The following AGMO variants were observed in gnomAD, a reference collection of about 807,000 sequenced individuals.
AGMO encodes the protein alkylglycerol monooxygenase, also known as glyceryl-ether monooxygenase.
Under a neutral mutation model 60.2 loss-of-function variants are expected in AGMO, and 75 were observed. The observed-to-expected ratio is 1.25, with a 90% CI of 1.03 to 1.51. AGMO has a LOEUF of 1.51. Among genes scored for constraint, AGMO ranks in the 40% most tolerant of loss-of-function variants. The pLI, the probability that AGMO is intolerant of heterozygous loss-of-function variation, is 0.00. For missense variants in AGMO, 763 were observed against 525.5 expected (o/e 1.45, Z -4.42); for synonymous variants, 261 against 177.1 (o/e 1.47, Z -3.76).
At chr7:15,312,534 T>C (rs1583394334) in intron 12 of AGMO, among the ~76,000 whole-genome samples, 1 of 4,472 alleles carries the variant, frequency 2.2e-4, no homozygotes, top group Non-Finnish European at 4.2e-4. Context: ...ACCCAGTGCA[T>C]GGCGGGGGCG....
intron 12 of AGMO, among the ~76,000 whole-genome samples, chr7:15,225,975 A>C (rs891338016): frequency 4.6e-5 from 7 of 152,066 alleles, no homozygotes; most frequent in African/African-American, 1.7e-4. Flanking sequence ...TATTCATTGA[A>C]AAAATAAAAG....
At chr7:15,261,483 C>T (rs1045993932) in intron 12 of AGMO, among the ~76,000 whole-genome samples, 2 of 151,904 alleles carry the variant, frequency 1.3e-5, no homozygotes, top group African/African-American at 4.8e-5. Flanking sequence ...CGACCAATAA[C>T]AAGCAGTGAG....
chr7:15,520,575 G>T (rs114379403), intron 3 of AGMO, among the ~76,000 whole-genome samples: 1 of 152,160 alleles, frequency 6.6e-6, no homozygotes, highest in Admixed American at 6.5e-5. Context: ...CATGGAAACC[G>T]AACAAGCTGC....
At chr7:15,283,817 C>G (rs534357024) in intron 12 of AGMO, among the ~76,000 whole-genome samples, 11 of 151,712 alleles carry the variant, frequency 7.3e-5, no homozygotes, top group Non-Finnish European at 1.6e-4. Flanking sequence ...CAAGATAGAC[C>G]ATATGATAGG....
At chr7:15,556,219 GTTTTTT>G (rs71004394) in intron 2 of AGMO, among the ~76,000 whole-genome samples, 5 of 91,506 alleles carry the variant, frequency 5.5e-5, no homozygotes, top group Admixed American at 2.5e-4. Context: ...CTCCTTTTTA[GTTTTTT>G]TTTTTTTTTT....
chr7:15,293,455 C>T (rs539772576), intron 12 of AGMO, among the ~76,000 whole-genome samples: 1 of 152,178 alleles, frequency 6.6e-6, no homozygotes, highest in African/African-American at 2.4e-5. Flanking sequence ...ATTTATTTGC[C>T]TCCAGATGAT....
chr7:15,279,245 G>A (rs974643105), intron 12 of AGMO, among the ~76,000 whole-genome samples: 4 of 152,060 alleles, frequency 2.6e-5, no homozygotes, highest in South Asian at 2.1e-4. Context: ...CTGCATTAGG[G>A]GTCCTCTCTC....
intron 3 of AGMO, among the ~76,000 whole-genome samples, chr7:15,536,616 A>T (rs914564302): frequency 1.1e-4 from 16 of 151,924 alleles, no homozygotes; most frequent in South Asian, 2.1e-4. Flanking sequence ...GTTATTAAGC[A>T]AGTATCTCAG....
chr7:15,418,313 A>G (rs879686235), intron 5 of AGMO, among the ~76,000 whole-genome samples: 2 of 152,114 alleles, frequency 1.3e-5, no homozygotes, highest in Admixed American at 6.6e-5. Flanking sequence ...ATATAGTATT[A>G]AAATGTTTTG....
the AGMO span, among the ~76,000 whole-genome samples, chr7:15,182,597 G>A: frequency 1.3e-5 from 2 of 151,986 alleles, no homozygotes; most frequent in African/African-American, 4.8e-5. Context: ...TTGTATTTCT[G>A]GTAGAGACGG....
At chr7:15,527,455 G>A (rs1784156799) in intron 3 of AGMO, among the ~76,000 whole-genome samples, 1 of 152,138 alleles carries the variant, frequency 6.6e-6, no homozygotes, top group African/African-American at 2.4e-5. Flanking sequence ...AAAGGGATGA[G>A]GGAGCTGCTG....
intron 12 of AGMO, among the ~76,000 whole-genome samples, chr7:15,316,963 C>A (rs1780944759): frequency 6.6e-6 from 1 of 152,132 alleles, no homozygotes; most frequent in Admixed American, 6.6e-5. Flanking sequence ...GCTTTTTGCT[C>A]TCTGTAATTG....
At chr7:15,311,498 T>G (rs1368129915) in intron 12 of AGMO, among the ~76,000 whole-genome samples, 2 of 151,956 alleles carry the variant, frequency 1.3e-5, no homozygotes, top group Non-Finnish European at 2.9e-5. Flanking sequence ...AAAAAAAAAT[T>G]TCAAGAAGCT....
chr7:15,335,766 G>A lies in AGMO; in HGVS notation c.1263+29748C>T, dbSNP rs529162297. Among the ~76,000 whole-genome samples the A allele has an allele frequency of 1.1e-3, 172 of 152,238 alleles. No individual in the cohort carries two copies. The Middle Eastern group carries it at 0.02, about 18-fold the overall frequency. On this transcript the variant is annotated intron_variant, in intron 12 of 12. Coordinates refer to ENST00000342526, the MANE Select transcript of AGMO (RefSeq NM_001004320.2). ...TTCACATCTATAACTTAGATAACAC[G>A]GTAGCAATGTACACACTACATATTA...
intron 3 of AGMO, among the ~76,000 whole-genome samples, chr7:15,534,029 T>C (rs1176808588): frequency 6.6e-6 from 1 of 152,054 alleles, no homozygotes; most frequent in Non-Finnish European, 1.5e-5. Context: ...CACATACTTA[T>C]GGCACAAAGT....
chr7:15,547,375 C>T (rs1169377438), intron 2 of AGMO, among the ~76,000 whole-genome samples: 2 of 151,944 alleles, frequency 1.3e-5, no homozygotes, highest in African/African-American at 2.4e-5. Context: ...ACGCAGAAGA[C>T]GGGTGATTTC....
At chr7:15,348,169 T>G (rs1406326340) in intron 12 of AGMO, among the ~76,000 whole-genome samples, 1 of 152,036 alleles carries the variant, frequency 6.6e-6, no homozygotes, top group Non-Finnish European at 1.5e-5. Flanking sequence ...AAGGAACAGT[T>G]TAGCACAGTC....
chr7:15,423,967 A>G (rs977924514), intron 4 of AGMO, among the ~76,000 whole-genome samples: 1 of 152,166 alleles, frequency 6.6e-6, no homozygotes, highest in Admixed American at 6.6e-5. Flanking sequence ...ATTAATACAC[A>G]TGCCATACAT....
intron 11 of AGMO, 121 bp from the exon 12 acceptor site, chr7:15,365,740 A>T (rs958850165): frequency 1.4e-6 from 1 of 702,524 alleles, no homozygotes; most frequent in Non-Finnish European, 2.3e-6. Context: ...ATATTTGAAA[A>T]GCATGTCCCC....
Sources: allele counts gnomAD v4.1 joint callset (sites outside exome capture counted in the v4.1 genomes callset), GRCh38; gene constraint gnomAD v4.1.1; transcripts MANE v1.5; gene names NCBI Gene and HGNC (gene_info 2026-07-23, HGNC 2026-07-21).